SNTG1: variants seen among roughly 807,000 people sequenced by gnomAD.
SNTG1 encodes the protein syntrophin gamma 1.
In SNTG1, 39 loss-of-function variants were observed where a neutral mutation model predicts 74.7. The observed-to-expected ratio is 0.52, with a 90% CI of 0.40 to 0.68. The LOEUF is 0.68. SNTG1 is among the 30% of genes least tolerant of loss of function. The pLI is 0.00. For synonymous variants in SNTG1, 254 were observed against 217.1 expected (o/e 1.17, Z -1.49); for missense variants, 685 against 609.5 (o/e 1.12, Z -1.30).
At chr8:50,395,846 G>T (rs568706566) in intron 3 of SNTG1, among the ~76,000 whole-genome samples, 2 of 152,198 alleles carry the variant, frequency 1.3e-5, no homozygotes, top group East Asian at 3.9e-4. Context: ...AATTTTAAAA[G>T]TAGCAAGTCT....
At chr8:50,632,778 A>G (rs2095010924) in intron 13 of SNTG1, among the ~76,000 whole-genome samples, 1 of 152,238 alleles carries the variant, frequency 6.6e-6, no homozygotes, top group Admixed American at 6.5e-5. Context: ...AGACTGTTAT[A>G]TTCAAAAAGA....
At chr8:50,142,829 T>C (rs1044831231) in intron 1 of SNTG1, among the ~76,000 whole-genome samples, 1 of 152,146 alleles carries the variant, frequency 6.6e-6, no homozygotes, top group Non-Finnish European at 1.5e-5. Flanking sequence ...CCCAACACTT[T>C]GGGAGGCCAA....
chr8:50,499,312 G>GT (rs937855747), intron 8 of SNTG1, among the ~76,000 whole-genome samples: 7 of 151,418 alleles, frequency 4.6e-5, no homozygotes, highest in Middle Eastern at 3.4e-3. Flanking sequence ...TGATTTTATA[G>GT]TTTTTTTAAA....
At chr8:50,017,685 T>A (rs957769552) in intron 1 of SNTG1, among the ~76,000 whole-genome samples, 4 of 151,878 alleles carry the variant, frequency 2.6e-5, no homozygotes, top group Non-Finnish European at 5.9e-5. Context: ...TACGTTATAA[T>A]GATGAGTCAA....
chr8:50,204,790 A>G (rs1353112482), intron 2 of SNTG1, among the ~76,000 whole-genome samples: 2 of 151,988 alleles, frequency 1.3e-5, no homozygotes, highest in Non-Finnish European at 2.9e-5. Context: ...TCATTGTTCA[A>G]TTCCCACCTA....
chr8:50,568,495 C>T (rs1585710524), intron 12 of SNTG1, among the ~76,000 whole-genome samples: 1 of 152,168 alleles, frequency 6.6e-6, no homozygotes, highest in African/African-American at 2.4e-5. Flanking sequence ...TCGCCAGCCT[C>T]TGTTATTGCT....
intron 17 of SNTG1, among the ~76,000 whole-genome samples, chr8:50,720,448 C>T (rs974933348): frequency 6.6e-6 from 1 of 152,126 alleles, no homozygotes; most frequent in African/African-American, 2.4e-5. Flanking sequence ...ATGACTATTG[C>T]TACATACTAG....
At chr8:50,446,210 T>C (rs1362136651) in intron 5 of SNTG1, among the ~76,000 whole-genome samples, 3 of 152,188 alleles carry the variant, frequency 2.0e-5, no homozygotes, top group Non-Finnish European at 4.4e-5. Context: ...CTAAATCTAA[T>C]TAACTGTAGC....
At chr8:50,151,102 C>G (rs904226316) in intron 1 of SNTG1, among the ~76,000 whole-genome samples, 1 of 152,090 alleles carries the variant, frequency 6.6e-6, no homozygotes, top group Non-Finnish European at 1.5e-5. Context: ...TGTTATTGGT[C>G]TATTCAGGGA....
chr8:50,307,090 C>G (rs1483762066), intron 2 of SNTG1, among the ~76,000 whole-genome samples: 1 of 151,890 alleles, frequency 6.6e-6, no homozygotes, highest in Non-Finnish European at 1.5e-5. Flanking sequence ...GTTTCTTTGA[C>G]TGAATATACC....
intron 18 of SNTG1, among the ~76,000 whole-genome samples, chr8:50,771,042 A>G (rs2095625888): frequency 6.6e-6 from 1 of 152,106 alleles, no homozygotes; most frequent in African/African-American, 2.4e-5. Flanking sequence ...AGCAACACAA[A>G]TGGACTAAGA....
chr8:50,327,137 A>G (rs998283912), intron 2 of SNTG1, among the ~76,000 whole-genome samples: 2 of 152,144 alleles, frequency 1.3e-5, no homozygotes, highest in Non-Finnish European at 2.9e-5. Flanking sequence ...TTAATGTCCC[A>G]TGTGAGCTTG....
chr8:50,689,699 C>A (rs192628818), intron 15 of SNTG1, among the ~76,000 whole-genome samples: 1,774 of 152,262 alleles, frequency 0.012, 13 homozygotes, highest in Middle Eastern at 0.027. Context: ...GGATATTGGT[C>A]TAAAATTCTC....
intron 4 of SNTG1, among the ~76,000 whole-genome samples, chr8:50,406,055 G>A (rs996823390): frequency 1.3e-5 from 2 of 151,730 alleles, no homozygotes; most frequent in Non-Finnish European, 2.9e-5. Flanking sequence ...AATAAATTTT[G>A]GAATGAATTT....
At chr8:50,744,666 G>A (rs1233891806) in intron 17 of SNTG1, among the ~76,000 whole-genome samples, 7 of 151,916 alleles carry the variant, frequency 4.6e-5, no homozygotes, top group Non-Finnish European at 1.0e-4. Flanking sequence ...CAAAGCTATA[G>A]TAATTAAAAT....
intron 8 of SNTG1, among the ~76,000 whole-genome samples, chr8:50,498,780 T>G (rs1345033877): frequency 6.6e-6 from 1 of 151,912 alleles, no homozygotes; most frequent in Admixed American, 6.6e-5. Context: ...GTGTAAGGTA[T>G]AGCTCAAAGC....
intron 12 of SNTG1, among the ~76,000 whole-genome samples, chr8:50,570,724 G>A (rs1031713222): frequency 2.6e-5 from 4 of 151,174 alleles, no homozygotes; most frequent in African/African-American, 9.7e-5. Flanking sequence ...TCTGCCTCAG[G>A]CTCCCAAATA....
At chr8:50,501,034 G>T (rs990942131) in intron 8 of SNTG1, among the ~76,000 whole-genome samples, 8 of 152,154 alleles carry the variant, frequency 5.3e-5, no homozygotes, top group African/African-American at 1.9e-4. Flanking sequence ...AATGATCCTA[G>T]TTACACAGTG....
intron 1 of SNTG1, among the ~76,000 whole-genome samples, chr8:50,100,934 C>T (rs963789953): frequency 5.3e-5 from 8 of 152,074 alleles, no homozygotes; most frequent in African/African-American, 1.9e-4. Context: ...ACCCTCCTCC[C>T]ACTGTCCACC....
Sources: gnomAD v4.1 joint callset for allele counts (sites outside exome capture counted in the v4.1 genomes callset) on GRCh38, gnomAD v4.1.1 for gene constraint, MANE v1.5 for transcripts, NCBI Gene and HGNC (gene_info 2026-07-23, HGNC 2026-07-21) for gene names.